The following EBF3 variants were observed in gnomAD, a reference collection of about 807,000 sequenced individuals.
EBF3 encodes the protein transcription factor COE3.
A neutral mutation model predicts 77.1 loss-of-function variants in EBF3; 18 were observed. The observed-to-expected ratio is 0.23, with a 90% CI of 0.16 to 0.35. The LOEUF (loss-of-function observed/expected upper bound fraction) is 0.35, where lower values mean the gene tolerates loss of function less well. EBF3 is among the 10% of genes least tolerant of loss of function. The pLI is 1.00. For synonymous variants in EBF3, 350 were observed against 343.5 expected, an observed-to-expected ratio of 1.02 and a Z score of -0.21; for missense variants, 558 against 860.0, an observed-to-expected ratio of 0.65 and a Z score of 4.39.
intron 10 of EBF3, among the ~76,000 whole-genome samples, chr10:129,866,214 C>A (rs555475916): frequency 1.3e-5 from 2 of 152,128 alleles, no homozygotes; most frequent in Non-Finnish European, 2.9e-5. Flanking sequence ...CTTGACCTCC[C>A]GGGCTCAGGT....
At position 129,947,325 on chromosome 10, in the gene EBF3, A is replaced by G. The variant is rs1858303845; in HGVS notation, c.554+9933T>C. Among the ~76,000 whole-genome samples the G allele has an allele frequency of 6.6e-6, 1 of 152,226 alleles. No homozygotes were observed. Among genetic ancestry groups the G allele is most frequent in the Admixed American group, 6.5e-5 (1 of 15,286 alleles). ...CTTGCATTACTCTGTCTCGTATTAA[A>G]TACCACATATAACTCTCAGCAGGTT... On this transcript the variant is annotated intron_variant, in intron 6 of 16. Transcript: ENST00000440978. This position sits in a 1 kb window ranked among gnomAD's most constrained non-coding sequence, Gnocchi z 4.5.
In EBF3 at chr10:129,963,244, C is replaced by A; in HGVS notation, c.291+123G>T. 3.6e-6 allele frequency: 5 copies of A among 1,371,856 alleles called. No individual in the cohort carries two copies. The highest frequency in any genetic ancestry group is 2.8e-5 in the East Asian group (1 of 35,656). The allele number at this position is 1,371,856 out of a possible 1,614,324, so 85.0% of individuals were successfully genotyped here. A position where few individuals can be genotyped will look rare whatever the true frequency, so the allele number is the denominator to read the frequency against. ...GGTCCCGGGCGGCCGCACGTGGCGG[C>A]GGCGGGGTGGCCTGGCGGAGCCGAG... On this transcript the variant is annotated intron_variant, in intron 2 of 16. Transcript: ENST00000440978. This position sits in a 1 kb window ranked among gnomAD's most constrained non-coding sequence, Gnocchi z 7.1.
rs1853512657 is a variant in EBF3, at chr10:129,885,541, T to C, written c.555-7692A>G. Reference sequence around the variant, plus strand: ...CACAAAAGAAATGTGAAGTGCACTATATTTACACTAGGGTTCTTGTTTCAA... The same window carrying C: ...CACAAAAGAAATGTGAAGTGCACTACATTTACACTAGGGTTCTTGTTTCAA... On this transcript the variant is annotated intron_variant, in intron 6 of 16. Coordinates refer to ENST00000440978, the MANE Select transcript of EBF3 (RefSeq NM_001375380.1). This position sits in a 1 kb window ranked among gnomAD's most constrained non-coding sequence, Gnocchi z 4.0. Among the ~76,000 whole-genome samples, 1 of 152,204 alleles carries C rather than the reference T, an allele frequency of 6.6e-6. No individual in the cohort carries two copies. The highest frequency in any genetic ancestry group is 1.5e-5 in the Non-Finnish European group (1 of 68,040).
chr10:129,888,556 G>A (rs898516895), intron 6 of EBF3, among the ~76,000 whole-genome samples: 3 of 152,182 alleles, frequency 2.0e-5, no homozygotes, highest in African/African-American at 4.8e-5. Flanking sequence ...AAAGAAGGCC[G>A]GGGCCACGAC....
At chr10:129,921,351 A>G (rs1222227337) in intron 6 of EBF3, among the ~76,000 whole-genome samples, 3 of 152,104 alleles carry the variant, frequency 2.0e-5, no homozygotes, top group Non-Finnish European at 2.9e-5. Flanking sequence ...CCCTCCCCGC[A>G]TTGGTCACAA....
chr10:129,940,788 C>T (rs144396061), intron 6 of EBF3, among the ~76,000 whole-genome samples: 3 of 152,266 alleles, frequency 2.0e-5, no homozygotes, highest in East Asian at 1.9e-4. Context: ...CCAGGGGAAC[C>T]GCGGGGGAGT....
rs775287794 is a variant in EBF3 at position 129,962,943 on chromosome 10, G to A, written c.354C>T (p.Asn118=). Residue 118 remains asparagine (N), a splice_region_variant and synonymous_variant, in exon 3 of 17, where the codon AAC becomes AAT. Transcript: ENST00000440978. Reference sequence around the variant, plus strand: ...GGCGAGCACGCAGCAGGCACTTACCGTTGCTGTACAATAACTGGAGTTTAT... The same window carrying A: ...GGCGAGCACGCAGCAGGCACTTACCATTGCTGTACAATAACTGGAGTTTAT... ...IHYKLQLLYS[N]GVRTEQDLYV... is the part of the protein sequence containing the mutation. The A allele has an allele frequency of 1.9e-6, 3 of 1,613,996 alleles. No homozygotes were observed. Among genetic ancestry groups the A allele is most frequent in the East Asian group, 2.2e-5 (1 of 44,822 alleles).
At chr10:129,945,981 C>A (rs771865198) in intron 6 of EBF3, among the ~76,000 whole-genome samples, 1 of 151,154 alleles carries the variant, frequency 6.6e-6, no homozygotes, top group Non-Finnish European at 1.5e-5. Context: ...TAAAAGTTTC[C>A]ACTCGTTAGA....
chr10:129,936,898 A>G (rs1291279713), intron 6 of EBF3, among the ~76,000 whole-genome samples: 5 of 152,192 alleles, frequency 3.3e-5, no homozygotes, highest in Non-Finnish European at 7.4e-5. Context: ...CAGGAGGGCC[A>G]TGCTTTGGCC....
intron 6 of EBF3, among the ~76,000 whole-genome samples, chr10:129,892,135 G>T (rs565047706): frequency 1.7e-4 from 26 of 152,368 alleles, no homozygotes; most frequent in Middle Eastern, 3.4e-3. Flanking sequence ...ACTTGACTGA[G>T]CAGGATGATC....
At chr10:129,908,582 C>T (rs1434873199) in intron 6 of EBF3, among the ~76,000 whole-genome samples, 2 of 152,248 alleles carry the variant, frequency 1.3e-5, no homozygotes, top group African/African-American at 4.8e-5. Context: ...CAAACCAACT[C>T]CTCCAAGAAA....
chr10:129,838,014 G>A (rs113698720), intron 16 of EBF3, 54 bp from the exon 17 acceptor site: 54 of 1,610,252 alleles, frequency 3.4e-5, no homozygotes, highest in Middle Eastern at 3.3e-4. Flanking sequence ...GCGCCCTCCC[G>A]CCAACGCTGA....
rs1292287186 is a variant in EBF3, at chr10:129,935,072, AT to A, written c.554+22185del. ...CCCAAATATCTCATGGGATGTACTC[AT>A]CCTAACACATTAGCTGTAGCTGGTG... On this transcript the variant is annotated intron_variant, in intron 6 of 16. Transcript: ENST00000440978. This position sits in a 1 kb window ranked among gnomAD's most constrained non-coding sequence, Gnocchi z 4.2. 6.6e-6 allele frequency among the ~76,000 whole-genome samples: 1 copy of A among 152,178 alleles called. No homozygotes were observed. The highest frequency in any genetic ancestry group is 2.4e-5 in the African/African-American group (1 of 41,438).
intron 8 of EBF3, among the ~76,000 whole-genome samples, chr10:129,869,605 G>A (rs773368790): frequency 7.2e-5 from 11 of 152,340 alleles, no homozygotes; most frequent in South Asian, 6.2e-4. Context: ...CCCGCGTGCC[G>A]TGGTTTCCCT....
chr10:129,878,823 CAAAAAAAAA>C (rs10654202), intron 6 of EBF3, among the ~76,000 whole-genome samples: 2 of 58,758 alleles, frequency 3.4e-5, no homozygotes, highest in African/African-American at 6.2e-5. Flanking sequence ...AAATCGGTCT[CAAAAAAAAA>C]AAAAAAAAAA....
chr10:129,862,701 C>A (rs1851726179), intron 10 of EBF3, among the ~76,000 whole-genome samples: 1 of 152,228 alleles, frequency 6.6e-6, no homozygotes, highest in South Asian at 2.1e-4. Context: ...TGATGCTTCA[C>A]ACTTGAAAAC....
intron 16 of EBF3, among the ~76,000 whole-genome samples, chr10:129,838,765 A>G (rs1375840165): frequency 6.6e-6 from 1 of 152,280 alleles, no homozygotes; most frequent in South Asian, 2.1e-4. Context: ...ACATATTAAT[A>G]CATTTGTTCA....
chr10:129,844,144 G>T (rs1379266160), intron 11 of EBF3, among the ~76,000 whole-genome samples: 2 of 152,190 alleles, frequency 1.3e-5, no homozygotes, highest in Non-Finnish European at 2.9e-5. Context: ...GAGGTGAAGA[G>T]AAAAATTCCC....
intron 7 of EBF3, among the ~76,000 whole-genome samples, chr10:129,877,518 T>C (rs547855458): frequency 6.7e-6 from 1 of 148,420 alleles, no homozygotes; most frequent in Non-Finnish European, 1.5e-5. Flanking sequence ...CACATGGCCA[T>C]GTTTTCAAAG....
Sources: allele counts gnomAD v4.1 joint callset (sites outside exome capture counted in the v4.1 genomes callset), GRCh38; gene constraint gnomAD v4.1.1; non-coding constraint Gnocchi (gnomAD v3.1); transcripts MANE v1.5; gene names NCBI Gene and HGNC (gene_info 2026-07-23, HGNC 2026-07-21).